GNAS-AS1: variants seen among roughly 807,000 people sequenced by gnomAD.
GNAS-AS1 encodes the protein GNAS antisense RNA 1.
Position 58,840,452 on chromosome 20 carries a change from G to A in GNAS-AS1, n.819+1485C>T. On this transcript the variant is annotated intron_variant and non_coding_transcript_variant, in intron 4 of 4. Coordinates refer to ENST00000424094, the Ensembl canonical transcript of GNAS-AS1. The surrounding 1 kb of genome is among the most constrained non-coding windows in gnomAD (Gnocchi z 6.0). ...CGACTACGAGACCGAGAGCGAGACC[G>A]AGTCCGAAATCGAGTCCGAGACCGA... 6.2e-7 allele frequency: 1 copy of A among 1,613,436 alleles called. No individual in the cohort carries two copies. Among genetic ancestry groups the A allele is most frequent in the African/African-American group, 1.3e-5 (1 of 75,012 alleles).
chr20:58,839,737 C>T (rs1276092588), intron 4 of GNAS-AS1: 14 of 512,826 alleles, frequency 2.7e-5, no homozygotes, highest in South Asian at 7.1e-5. Flanking sequence ...CTGCCCGTCC[C>T]TCCTCGCCTC....
chr20:58,850,700 T>G (rs1247146242), exon 1 of GNAS-AS1: 2 of 398,926 alleles, frequency 5.0e-6, no homozygotes, highest in Non-Finnish European at 8.8e-6. Context: ...TGGGTTAGCC[T>G]GCCGCCATCA....
At chr20:58,837,869 C>A (rs532920004) in intron 4 of GNAS-AS1, among the ~76,000 whole-genome samples, 1 of 152,358 alleles carries the variant, frequency 6.6e-6, no homozygotes, top group South Asian at 2.1e-4. Context: ...GGTATGAACT[C>A]TGCACTTAGT....
chr20:58,824,709 A>G (rs2085508406), intron 4 of GNAS-AS1, among the ~76,000 whole-genome samples: 1 of 152,192 alleles, frequency 6.6e-6, no homozygotes, highest in Non-Finnish European at 1.5e-5. Context: ...CCCCTGCCAG[A>G]AGAAACCAAA....
intron 4 of GNAS-AS1, among the ~76,000 whole-genome samples, chr20:58,832,866 A>G (rs577515668): frequency 6.6e-6 from 1 of 152,358 alleles, no homozygotes; most frequent in Non-Finnish European, 1.5e-5. Context: ...GTTCATCTCA[A>G]TCCCCACACA....
exon 4 of GNAS-AS1, chr20:58,842,229 A>G (rs2085765272): frequency 2.5e-6 from 1 of 398,382 alleles, no homozygotes. Context: ...GGGGGGAAAG[A>G]CTGATAAGTG....
At chr20:58,834,399 T>C (rs2085588290) in intron 4 of GNAS-AS1, 1 of 152,196 alleles carries the variant, frequency 6.6e-6, no homozygotes, top group South Asian at 2.1e-4. Context: ...CCTGGGACAA[T>C]GATGTCTCAA....
rs2085671809 is a variant in GNAS-AS1 at position 58,840,384 on chromosome 20, T to C, written n.819+1553A>G. On this transcript the variant is annotated intron_variant and non_coding_transcript_variant, in intron 4 of 4. Transcript: ENST00000424094. The surrounding 1 kb of genome is among the most constrained non-coding windows in gnomAD (Gnocchi z 6.0). ...GACCACGAGCACGAGGAGGCAGACC[T>C]TGAGCTGTCCCTCCCCGAGTGCCTA... The C allele has an allele frequency of 2.5e-6, 4 of 1,613,278 alleles. No individual in the cohort carries two copies. Among genetic ancestry groups the C allele is most frequent in the Non-Finnish European group, 2.5e-6 (3 of 1,179,988 alleles).
At chr20:58,845,656 A>C (rs2085916391) in intron 2 of GNAS-AS1, among the ~76,000 whole-genome samples, 4 of 152,162 alleles carry the variant, frequency 2.6e-5, no homozygotes, top group Admixed American at 2.6e-4. Flanking sequence ...TAAATTTTTT[A>C]CTGGTATTTG....
intron 1 of GNAS-AS1, among the ~76,000 whole-genome samples, chr20:58,849,849 C>T (rs921688830): frequency 2.0e-5 from 3 of 152,234 alleles, no homozygotes; most frequent in African/African-American, 7.2e-5. Context: ...TCAGGATCAT[C>T]CTCCATGCTG....
Position 58,825,309 on chromosome 20 carries a change from A to G in GNAS-AS1, n.820-6054T>C, listed in dbSNP as rs2085512179. Among the ~76,000 whole-genome samples the G allele has an allele frequency of 2.0e-5, 3 of 152,212 alleles. 1 individual carries two copies. The highest frequency in any genetic ancestry group is 4.1e-4 in the South Asian group (2 of 4,834). ...CTTTGGTGGGAAATCTTTGTGTCCT[A>G]GAAGACCATCTCTCACCATCTCTCC... On this transcript the variant is annotated intron_variant and non_coding_transcript_variant, in intron 4 of 4. Transcript: ENST00000424094.
Position 58,841,956 on chromosome 20 carries a change from C to G in GNAS-AS1, n.800G>C. 1 of 1,139,296 alleles carries G rather than the reference C, an allele frequency of 8.8e-7. No individual in the cohort carries two copies. Among genetic ancestry groups the G allele is most frequent in the Non-Finnish European group, 1.1e-6 (1 of 903,434 alleles). 70.6% of individuals were successfully genotyped at this position (1,139,296 alleles called of 1,614,324 possible). On this transcript the variant is annotated non_coding_transcript_exon_variant, in exon 4 of 5. Coordinates refer to ENST00000424094, the Ensembl canonical transcript of GNAS-AS1. This position sits in a 1 kb window ranked among gnomAD's most constrained non-coding sequence, Gnocchi z 5.0. ...ACTTACAATTCGTTTCCAAAGAGCG[C>G]GGTACGCGCAGAGCTGGGGAAAGGT... is the stretch of plus-strand genomic sequence containing the variant.
Position 58,840,776 on chromosome 20 carries a change from C to T in GNAS-AS1, n.819+1161G>A, listed in dbSNP as rs770642877. The T allele has an allele frequency of 1.9e-6, 3 of 1,609,552 alleles. No individual in the cohort carries two copies. The highest frequency in any genetic ancestry group is 3.3e-5 in the Admixed American group (2 of 59,934). On this transcript the variant is annotated intron_variant and non_coding_transcript_variant, in intron 4 of 4. Coordinates refer to ENST00000424094, the Ensembl canonical transcript of GNAS-AS1. The surrounding 1 kb of genome is among the most constrained non-coding windows in gnomAD (Gnocchi z 6.0). ...GCGGCGTCGCTGCAAGCCAAAGAAG[C>T]CCACCCGCCGTGACGCGTCCCCGGA...
At chr20:58,848,738 C>A in intron 2 of GNAS-AS1, 1 of 393,882 alleles carries the variant, frequency 2.5e-6, no homozygotes, top group Non-Finnish European at 4.5e-6. Context: ...TAGCCGATCA[C>A]CCCCAGCTCT....
At chr20:58,842,046 G>C (rs528475197) in exon 4 of GNAS-AS1, 2 of 542,016 alleles carry the variant, frequency 3.7e-6, no homozygotes, top group Non-Finnish European at 5.6e-6. Context: ...CGGCGGCTCC[G>C]GCAGCCTTGG....
At chr20:58,842,601 T>C in intron 2 of GNAS-AS1, 1 of 398,236 alleles carries the variant, frequency 2.5e-6, no homozygotes, top group Non-Finnish European at 4.4e-6. Context: ...GACAGCAATG[T>C]TAGTCTCAGA....
Position 58,840,664 on chromosome 20 carries a change from G to C in GNAS-AS1, n.819+1273C>G. ...CGCCGCCCAGCACTCAGGAGCCCCA[G>C]AGCCCCAGGGAAGGGGAGGAGCTCA... On this transcript the variant is annotated intron_variant and non_coding_transcript_variant, in intron 4 of 4. Coordinates refer to ENST00000424094, the Ensembl canonical transcript of GNAS-AS1. The surrounding 1 kb of genome is among the most constrained non-coding windows in gnomAD (Gnocchi z 6.0). 6.2e-7 allele frequency: 1 copy of C among 1,605,356 alleles called. No individual in the cohort carries two copies. The highest frequency in any genetic ancestry group is 8.5e-7 in the Non-Finnish European group (1 of 1,179,274).
chr20:58,832,405 G>A (rs1043157304), intron 4 of GNAS-AS1, among the ~76,000 whole-genome samples: 7 of 152,130 alleles, frequency 4.6e-5, no homozygotes, highest in South Asian at 2.1e-4. Flanking sequence ...TAAATTGAAC[G>A]CCATTCCAGT....
Position 58,841,959 on chromosome 20 carries a change from T to G in GNAS-AS1, n.797A>C. Reference sequence around the variant, plus strand: ...TACAATTCGTTTCCAAAGAGCGCGGTACGCGCAGAGCTGGGGAAAGGTGTT... The same window carrying G: ...TACAATTCGTTTCCAAAGAGCGCGGGACGCGCAGAGCTGGGGAAAGGTGTT... On this transcript the variant is annotated non_coding_transcript_exon_variant, in exon 4 of 5. Transcript: ENST00000424094. This position sits in a 1 kb window ranked among gnomAD's most constrained non-coding sequence, Gnocchi z 5.0. 1.0e-5 allele frequency: 11 copies of G among 1,101,088 alleles called. No homozygotes were observed. Among genetic ancestry groups the G allele is most frequent in the Non-Finnish European group, 1.2e-5 (10 of 868,504 alleles). 68.2% of individuals were successfully genotyped at this position (1,101,088 alleles called of 1,614,324 possible). A position where few individuals can be genotyped will look rare whatever the true frequency, so the allele number is the denominator to read the frequency against.
Sources: gnomAD v4.1 joint callset for allele counts (sites outside exome capture counted in the v4.1 genomes callset) on GRCh38, gnomAD v4.1.1 for gene constraint, Gnocchi (gnomAD v3.1) non-coding constraint, MANE v1.5 for transcripts, NCBI Gene and HGNC (gene_info 2026-07-23, HGNC 2026-07-21) for gene names.